IL1RAPL1: variants seen among roughly 807,000 people sequenced by gnomAD.
The protein encoded by IL1RAPL1 is interleukin 1 receptor accessory protein like 1.
A neutral mutation model predicts 48.4 loss-of-function variants in IL1RAPL1; 3 were observed. The observed-to-expected ratio is 0.06, with a 90% CI of 0.03 to 0.16. The LOEUF (loss-of-function observed/expected upper bound fraction) is 0.16, where lower values mean the gene tolerates loss of function less well. Ranked by LOEUF, IL1RAPL1 falls within the 10% of genes least tolerant of loss-of-function variation. IL1RAPL1 has a pLI of 1.00. For synonymous variants in IL1RAPL1, 185 were observed against 187.7 expected, an observed-to-expected ratio of 0.99 and a Z score of 0.12; for missense variants, 349 against 530.6, an observed-to-expected ratio of 0.66 and a Z score of 3.36.
chrX:29,878,359 G>C (rs1931953497), intron 6 of IL1RAPL1, among the ~76,000 whole-genome samples: 1 of 111,750 alleles, frequency 8.9e-6, no homozygotes, highest in Non-Finnish European at 1.9e-5. Flanking sequence ...TTTCTTTATT[G>C]GGAACTAGTT....
intron 3 of IL1RAPL1, among the ~76,000 whole-genome samples, chrX:29,309,963 G>A (rs1349027351): frequency 1.9e-5 from 2 of 107,093 alleles, no homozygotes; most frequent in Admixed American, 1.0e-4. Context: ...GCATGGTGGC[G>A]GGCGCCTGTA....
chrX:29,586,954 A>C (rs779556100), intron 5 of IL1RAPL1, among the ~76,000 whole-genome samples: 2 of 102,395 alleles, frequency 2.0e-5, no homozygotes, highest in African/African-American at 7.5e-5. Flanking sequence ...CTTTATATAA[A>C]ATGTTGTCAT....
At chrX:29,853,332 A>G (rs1034784483) in intron 6 of IL1RAPL1, among the ~76,000 whole-genome samples, 1 of 109,906 alleles carries the variant, frequency 9.1e-6, no homozygotes, top group African/African-American at 3.3e-5. Context: ...GTCTCGAAAA[A>G]AAGAAAAAAA....
intron 6 of IL1RAPL1, among the ~76,000 whole-genome samples, chrX:29,746,980 T>G (rs1486078638): frequency 8.9e-6 from 1 of 112,502 alleles, no homozygotes; most frequent in Non-Finnish European, 1.9e-5. Flanking sequence ...AGGCTGGTCT[T>G]TTCCAGTGAT....
chrX:29,378,912 T>A (rs1288450556), intron 3 of IL1RAPL1, among the ~76,000 whole-genome samples: 1 of 112,438 alleles, frequency 8.9e-6, no homozygotes, highest in Admixed American at 9.4e-5. Context: ...GGCTATAACA[T>A]GGAGATAGAC....
intron 1 of IL1RAPL1, among the ~76,000 whole-genome samples, chrX:28,679,323 T>C (rs1024723787): frequency 2.7e-5 from 3 of 112,416 alleles, no homozygotes; most frequent in Admixed American, 9.4e-5. Flanking sequence ...TTTTCATTAT[T>C]GTATGAGTTC....
chrX:28,804,760 A>G (rs1936710816), intron 2 of IL1RAPL1, among the ~76,000 whole-genome samples: 1 of 111,501 alleles, frequency 9.0e-6, no homozygotes, highest in African/African-American at 3.3e-5. Flanking sequence ...CATACCTTCT[A>G]GGTTCCTTTT....
chrX:29,058,189 C>T (rs1004196903), intron 2 of IL1RAPL1, among the ~76,000 whole-genome samples: 2 of 110,123 alleles, frequency 1.8e-5, no homozygotes, highest in Non-Finnish European at 3.8e-5. Context: ...TCCTGGCCTA[C>T]ATGGTGAAAC....
rs183470284 is a variant in IL1RAPL1 at position 29,568,329 on chromosome X, A to G, written c.704-100101A>G. Among the ~76,000 whole-genome samples, 6 of 103,772 alleles carry G rather than the reference A, an allele frequency of 5.8e-5. 1 individual carries two copies. Among genetic ancestry groups the G allele is most frequent in the African/African-American group, 1.8e-4 (5 of 27,651 alleles). 90.1% of individuals were successfully genotyped at this position (103,772 alleles called of 115,157 possible). ...TCTTGATTTAAAGATCAAGAATAAC[A>G]GATTATTCATTAGATTATTTATGTA... On this transcript the variant is annotated intron_variant, in intron 5 of 10. Coordinates refer to ENST00000378993, the MANE Select transcript of IL1RAPL1 (RefSeq NM_014271.4).
At chrX:29,276,932 G>T (rs1932128998) in intron 2 of IL1RAPL1, among the ~76,000 whole-genome samples, 1 of 111,926 alleles carries the variant, frequency 8.9e-6, no homozygotes, top group Non-Finnish European at 1.9e-5. Context: ...TGGCGATAGA[G>T]ATACGGTAAA....
intron 1 of IL1RAPL1, among the ~76,000 whole-genome samples, chrX:28,636,239 AC>A (rs1934463389): frequency 1.8e-5 from 2 of 111,674 alleles, no homozygotes. Flanking sequence ...AAATAAGTTT[AC>A]TCATTAAGCA....
chrX:29,262,454 G>A (rs1182710076), intron 2 of IL1RAPL1, among the ~76,000 whole-genome samples: 2 of 110,601 alleles, frequency 1.8e-5, no homozygotes, highest in East Asian at 5.7e-4. Context: ...ACCTGAGGTC[G>A]GGAGTTTGAG....
intron 3 of IL1RAPL1, among the ~76,000 whole-genome samples, chrX:29,310,931 T>C (rs1602164172): frequency 8.9e-6 from 1 of 112,207 alleles, no homozygotes; most frequent in African/African-American, 3.2e-5. Context: ...ATTGTTTCAT[T>C]GTCTGAGAAA....
intron 2 of IL1RAPL1, among the ~76,000 whole-genome samples, chrX:28,856,977 A>C (rs1446461728): frequency 8.9e-6 from 1 of 112,291 alleles, no homozygotes; most frequent in Non-Finnish European, 1.9e-5. Context: ...CAAGTTATGA[A>C]TGCAAAAGAA....
chrX:29,922,247 A>G (rs1401237611), intron 8 of IL1RAPL1, among the ~76,000 whole-genome samples: 1 of 111,933 alleles, frequency 8.9e-6, no homozygotes, highest in Non-Finnish European at 1.9e-5. Flanking sequence ...TAGAAAAATA[A>G]ATGAAGAATG....
chrX:29,645,675 A>C (rs1925299081), intron 5 of IL1RAPL1, among the ~76,000 whole-genome samples: 1 of 111,827 alleles, frequency 8.9e-6, no homozygotes, highest in Admixed American at 9.5e-5. Flanking sequence ...ACCCACAGTG[A>C]TAGGCAGGCC....
intron 2 of IL1RAPL1, among the ~76,000 whole-genome samples, chrX:28,990,537 A>T (rs189376701): frequency 8.9e-6 from 1 of 111,835 alleles, no homozygotes; most frequent in Admixed American, 9.6e-5. Context: ...TTTCCTACTT[A>T]GTTTTTTCCT....
intron 1 of IL1RAPL1, among the ~76,000 whole-genome samples, chrX:28,592,879 C>T (rs951998626): frequency 3.6e-5 from 4 of 111,697 alleles, no homozygotes; most frequent in African/African-American, 1.3e-4. Context: ...CTATTAATAG[C>T]AAGCATTTTC....
intron 1 of IL1RAPL1, among the ~76,000 whole-genome samples, chrX:28,619,400 G>A (rs1934256757): frequency 9.1e-6 from 1 of 109,479 alleles, no homozygotes; most frequent in Non-Finnish European, 1.9e-5. Context: ...TTCAAGACCA[G>A]CCTGGGTAAC....
Sources: gnomAD v4.1 joint callset for allele counts (sites outside exome capture counted in the v4.1 genomes callset) on GRCh38, gnomAD v4.1.1 for gene constraint, MANE v1.5 for transcripts, NCBI Gene and HGNC (gene_info 2026-07-23, HGNC 2026-07-21) for gene names.